The following SLC19A3 variants were observed in gnomAD, a reference collection of about 807,000 sequenced individuals.
SLC19A3 encodes solute carrier family 19 member 3.
Under a neutral mutation model 40.2 loss-of-function variants are expected in SLC19A3, and 31 were observed. The ratio of observed to expected loss-of-function variants is 0.77; its 90% CI spans 0.58 to 1.04. The LOEUF (loss-of-function observed/expected upper bound fraction) is 1.04, where lower values mean the gene tolerates loss of function less well. Ranked by LOEUF, SLC19A3 falls within the 50% of genes least tolerant of loss-of-function variation. The pLI, the probability that SLC19A3 is intolerant of heterozygous loss-of-function variation, is 0.00. For missense variants in SLC19A3, 592 were observed against 596.7 expected (o/e 0.99, Z 0.08); for synonymous variants, 212 against 227.5 (o/e 0.93, Z 0.61).
chr2:227,701,465 T>C (rs111820740), intron 2 of SLC19A3: 41 of 164,022 alleles, frequency 2.5e-4, no homozygotes, highest in African/African-American at 9.6e-4. Flanking sequence ...CTACTAAAAA[T>C]ACAAAAATTA....
chr2:227,715,224 C>T (rs1319350366), intron 1 of SLC19A3, among the ~76,000 whole-genome samples: 1 of 151,540 alleles, frequency 6.6e-6, no homozygotes, highest in Non-Finnish European at 1.5e-5. Context: ...TATCACCCAT[C>T]TATAATCCTT....
intron 4 of SLC19A3, among the ~76,000 whole-genome samples, chr2:227,692,369 T>G (rs1328550608): frequency 6.6e-6 from 1 of 152,248 alleles, no homozygotes; most frequent in Non-Finnish European, 1.5e-5. Context: ...CTAAGTGGGA[T>G]TTATCCCAGG....
At chr2:227,693,117 A>G (rs1695294387) in intron 4 of SLC19A3, among the ~76,000 whole-genome samples, 1 of 152,184 alleles carries the variant, frequency 6.6e-6, no homozygotes, top group Non-Finnish European at 1.5e-5. Flanking sequence ...AAATGCCCAT[A>G]CTATCCAAAG....
chr2:227,695,667 C>A (rs543605313), intron 4 of SLC19A3: 24 of 560,322 alleles, frequency 4.3e-5, no homozygotes, highest in Non-Finnish European at 6.7e-5. Context: ...GTCTATAAAC[C>A]TACAGAGTTT....
intron 3 of SLC19A3, among the ~76,000 whole-genome samples, chr2:227,697,804 G>A (rs1377630058): frequency 2.6e-5 from 4 of 152,050 alleles, no homozygotes; most frequent in Non-Finnish European, 4.4e-5. Context: ...GTGGCTGGGC[G>A]TGGTGGCTCA....
intron 3 of SLC19A3, among the ~76,000 whole-genome samples, chr2:227,698,084 T>C (rs1281396483): frequency 6.6e-6 from 1 of 152,074 alleles, no homozygotes; most frequent in Admixed American, 6.5e-5. Context: ...TCTCAAAAAA[T>C]AAAAAAGTTA....
chr2:227,715,771 G>A (rs1329280088), intron 1 of SLC19A3, among the ~76,000 whole-genome samples: 2 of 151,600 alleles, frequency 1.3e-5, no homozygotes, highest in Non-Finnish European at 2.9e-5. Flanking sequence ...GCAAAATAGC[G>A]AGACCTCACC....
intron 5 of SLC19A3, 28 bp downstream of exon 5, chr2:227,688,138 A>G: frequency 6.2e-7 from 1 of 1,613,660 alleles, no homozygotes; most frequent in Non-Finnish European, 8.5e-7. Flanking sequence ...GAGGTTACCT[A>G]GTTGAAAACA....
chr2:227,701,114 C>A, intron 2 of SLC19A3: 1 of 1,283,946 alleles, frequency 7.8e-7, no homozygotes, highest in Admixed American at 2.4e-5. Flanking sequence ...TCAACCTGAG[C>A]AACTCGGAAA....
In SLC19A3 at chr2:227,688,282, C is replaced by T; in HGVS notation, c.1198G>A (p.Val400Met). 6.2e-7 allele frequency: 1 copy of T among 1,613,996 alleles called. No individual in the cohort carries two copies. The highest frequency in any genetic ancestry group is 8.5e-7 in the Non-Finnish European group (1 of 1,179,906). Residue 400 changes from valine (V) to methionine (M), a missense_variant, in exon 5 of 6, where the codon GTG (valine) becomes ATG (methionine). Physicochemically the swap from Val to Met is conservative, Grantham distance 21 (BLOSUM62 1). Coordinates refer to ENST00000644224, the MANE Select transcript of SLC19A3 (RefSeq NM_025243.4). ...AVFQIAVNLNVERYALVFGIN... is the reference protein window; with the variant it reads ...AVFQIAVNLNMERYALVFGIN... Reference sequence around the variant, plus strand: ...CCAAATACCAAGGCATAGCGTTCCACATTCAGATTAACTGCAATCTGAAAT... The same window carrying T: ...CCAAATACCAAGGCATAGCGTTCCATATTCAGATTAACTGCAATCTGAAAT...
At chr2:227,687,932 TC>T (rs1456441520) in intron 5 of SLC19A3, among the ~76,000 whole-genome samples, 1 of 152,204 alleles carries the variant, frequency 6.6e-6, no homozygotes, top group African/African-American at 2.4e-5. Flanking sequence ...ATTCAATGTC[TC>T]CAAGAATAAA....
intron 4 of SLC19A3, among the ~76,000 whole-genome samples, chr2:227,694,129 C>A (rs1294406524): frequency 2.6e-5 from 4 of 152,124 alleles, no homozygotes; most frequent in Admixed American, 6.6e-5. Context: ...GCCTCAGCCT[C>A]CCCAGTAGCA....
In SLC19A3 at chr2:227,684,188, AT is replaced by A. The variant is rs1307175098; in HGVS notation, c.*3208del. 3.9e-5 allele frequency: 6 copies of A among 152,306 alleles called. No individual in the cohort carries two copies. The highest frequency in any genetic ancestry group is 1.3e-4 in the Admixed American group (2 of 15,294). 9.4% of individuals were successfully genotyped at this position (152,306 alleles called of 1,614,324 possible). A position where few individuals can be genotyped will look rare whatever the true frequency, so the allele number is the denominator to read the frequency against. ...ATACAAATGCTGAGTTGCTGCGTTC[AT>A]TATTATTTTGGTGCTTGACTTTTTT... On this transcript the variant is annotated 3_prime_UTR_variant, in exon 6 of 6. Transcript: ENST00000644224.
intron 2 of SLC19A3, among the ~76,000 whole-genome samples, chr2:227,699,988 C>T (rs1346231550): frequency 6.6e-6 from 1 of 151,934 alleles, no homozygotes; most frequent in Non-Finnish European, 1.5e-5. Context: ...AGCCATTCTC[C>T]CATCTCAGCC....
intron 4 of SLC19A3, among the ~76,000 whole-genome samples, chr2:227,695,069 A>G (rs1695373489): frequency 6.6e-6 from 1 of 152,116 alleles, no homozygotes; most frequent in Non-Finnish European, 1.5e-5. Flanking sequence ...ACAAAAGAAA[A>G]GAAAAACTGC....
intron 1 of SLC19A3, among the ~76,000 whole-genome samples, chr2:227,714,878 C>G (rs1696279602): frequency 7.3e-6 from 1 of 137,022 alleles, no homozygotes; most frequent in Non-Finnish European, 1.5e-5. Context: ...AGTGTAGTGG[C>G]ACAATCTCCC....
rs1231329572 is a variant in SLC19A3 at position 227,686,907 on chromosome 2, AC to A, written c.*489del. ...ATTCTCTTAGAGAACTGTAACTTAAACAGAAATACACTTAATAGAAGAGGAA... is the reference window on the plus strand; with the variant it reads ...ATTCTCTTAGAGAACTGTAACTTAAAAGAAATACACTTAATAGAAGAGGAA... On this transcript the variant is annotated 3_prime_UTR_variant, in exon 6 of 6. Transcript: ENST00000644224. 6.5e-6 allele frequency: 1 copy of A among 152,914 alleles called. No individual in the cohort carries two copies. Among genetic ancestry groups the A allele is most frequent in the Non-Finnish European group, 1.5e-5 (1 of 68,580 alleles). 9.5% of individuals were successfully genotyped at this position (152,914 alleles called of 1,614,324 possible).
At chr2:227,713,456 C>T (rs1696216331) in intron 1 of SLC19A3, among the ~76,000 whole-genome samples, 1 of 144,540 alleles carries the variant, frequency 6.9e-6, no homozygotes, top group Non-Finnish European at 1.5e-5. Flanking sequence ...GTGATTAGAT[C>T]ATAAGGGCTC....
At position 227,712,167 on chromosome 2, in the gene SLC19A3, G is replaced by A. The variant is rs554177371; in HGVS notation, c.-3+5776C>T. Among the ~76,000 whole-genome samples the A allele has an allele frequency of 5.3e-5, 8 of 150,934 alleles. No individual in the cohort carries two copies. In the South Asian group the frequency reaches 1.5e-3, roughly 28 times the overall value. On this transcript the variant is annotated intron_variant, in intron 1 of 5. Coordinates refer to ENST00000644224, the MANE Select transcript of SLC19A3 (RefSeq NM_025243.4). ...GACTGTAATCCCAGCACTTTGGGAAGCTGAAGCAGGAGGGTCACTTGAGCC... is the reference window on the plus strand; with the variant it reads ...GACTGTAATCCCAGCACTTTGGGAAACTGAAGCAGGAGGGTCACTTGAGCC...
Sources: allele counts gnomAD v4.1 joint callset (sites outside exome capture counted in the v4.1 genomes callset), GRCh38; gene constraint gnomAD v4.1.1; transcripts MANE v1.5; gene names NCBI Gene and HGNC (gene_info 2026-07-23, HGNC 2026-07-21).